Variants in KLRB1 observed in about 807,000 individuals in gnomAD.
The protein encoded by KLRB1 is killer cell lectin like receptor B1.
A neutral mutation model predicts 33.5 loss-of-function variants in KLRB1; 27 were observed. That is an observed-to-expected ratio of 0.81 (90% CI 0.59 to 1.11). The LOEUF (loss-of-function observed/expected upper bound fraction) is 1.11, where lower values mean the gene tolerates loss of function less well. Among genes scored for constraint, KLRB1 ranks in the 50% most tolerant of loss-of-function variants. The probability of loss-of-function intolerance (pLI) is 0.00; values close to 1 mark genes in which losing one functional copy is unlikely to be tolerated. For synonymous variants in KLRB1, 64 were observed against 88.9 expected (o/e 0.72, Z 1.58); for missense variants, 241 against 254.1 (o/e 0.95, Z 0.35).
At chr12:9,607,336 C>CT (rs1565444538) in intron 1 of KLRB1, among the ~76,000 whole-genome samples, 3 of 24,546 alleles carry the variant, frequency 1.2e-4, no homozygotes, top group African/African-American at 2.5e-4. Context: ...TCTTTCTTTC[C>CT]TTTCTTTCTT....
chr12:9,596,836 A>G (rs1864496509), intron 5 of KLRB1, among the ~76,000 whole-genome samples: 1 of 152,204 alleles, frequency 6.6e-6, no homozygotes, highest in Non-Finnish European at 1.5e-5. Flanking sequence ...GTGTGGAAAG[A>G]TAAAAATAAA....
chr12:9,601,621 CACAA>C lies in KLRB1; in HGVS notation c.86-26_86-23del, dbSNP rs763393412. Reference sequence around the variant, plus strand: ...ACATCTGAAAAGTTAAAAAGAAAAACACAAAAACAAACAAACAAACGAAACAAAA... The same window carrying C: ...ACATCTGAAAAGTTAAAAAGAAAAACAAACAAACAAACAAACGAAACAAAA... On this transcript the variant is annotated intron_variant, in intron 1 of 5. Transcript: ENST00000229402. 5.2e-6 allele frequency: 7 copies of C among 1,350,024 alleles called. 1 individual carries two copies. The highest frequency in any genetic ancestry group is 2.5e-5 in the South Asian group (2 of 81,600). 83.6% of individuals were successfully genotyped at this position (1,350,024 alleles called of 1,614,324 possible). A position where few individuals can be genotyped will look rare whatever the true frequency, so the allele number is the denominator to read the frequency against.
rs764931644 is a variant in KLRB1, at chr12:9,601,636, A to ACAAG, written c.86-38_86-37insCTTG. ...AAAAGAAAAACACAAAAACAAACAA[A>ACAAG]CAAACGAAACAAAAAACCTTGGTTA... On this transcript the variant is annotated intron_variant, in intron 1 of 5. Coordinates refer to ENST00000229402, the MANE Select transcript of KLRB1 (RefSeq NM_002258.3). 23 of 1,458,376 alleles carry ACAAG rather than the reference A, an allele frequency of 1.6e-5. No individual in the cohort carries two copies. In the African/African-American group the frequency reaches 3.2e-4, roughly 20 times the overall value. 90.3% of individuals were successfully genotyped at this position (1,458,376 alleles called of 1,614,324 possible).
At chr12:9,595,561 A>G (rs919408046) in intron 5 of KLRB1, 140 bp from the exon 6 acceptor site, 8 of 747,864 alleles carry the variant, frequency 1.1e-5, no homozygotes, top group Non-Finnish European at 1.8e-5. Flanking sequence ...TCACAAATAT[A>G]ATGGTATGAA....
At chr12:9,602,872 A>C (rs1361872233) in intron 1 of KLRB1, among the ~76,000 whole-genome samples, 1 of 152,126 alleles carries the variant, frequency 6.6e-6, no homozygotes, top group East Asian at 1.9e-4. Context: ...TTCTACTTTT[A>C]ATGGTACAGT....
intron 3 of KLRB1, among the ~76,000 whole-genome samples, 195 bp downstream of exon 3, chr12:9,599,572 C>T (rs950439274): frequency 5.3e-5 from 8 of 152,312 alleles, no homozygotes; most frequent in East Asian, 1.9e-4. Context: ...CATATAATTC[C>T]CAGCCTCATC....
chr12:9,595,556 A>G (rs2120704355), intron 5 of KLRB1, 135 bp from the exon 6 acceptor site: 1 of 768,802 alleles, frequency 1.3e-6, no homozygotes, highest in East Asian at 2.6e-5. Flanking sequence ...CACGGTCACA[A>G]ATATAATGGT....
chr12:9,606,408 A>G (rs1194336154), intron 1 of KLRB1: 1 of 152,010 alleles, frequency 6.6e-6, no homozygotes, highest in Non-Finnish European at 1.5e-5. Context: ...TCTTTCACTC[A>G]GAATGCTAAC....
intron 1 of KLRB1, among the ~76,000 whole-genome samples, chr12:9,601,841 A>C (rs1031873796): frequency 2.0e-5 from 3 of 152,226 alleles, no homozygotes; most frequent in African/African-American, 4.8e-5. Context: ...ACGCTTATGC[A>C]TGTGTGTATA....
At position 9,599,820 on chromosome 12, in the gene KLRB1, G is replaced by A. The variant is rs945443184; in HGVS notation, c.206C>T (p.Ser69Leu). The stretch of plus-strand genomic sequence containing the variant: ...GTCCACACTGCATTTTTCTATTGAT[G>A]ATTTCTGTATTAAGGATGTCACTAG... ...SVSVTSLIQKSSIEKCSVDIQ... is the reference protein window; with the variant it reads ...SVSVTSLIQKLSIEKCSVDIQ... The change falls in exon 3 of 6, where the codon TCA (serine) becomes TTA (leucine). Residue 69 changes from serine to leucine, a missense_variant. Transcript: ENST00000229402. 5 of 1,599,472 alleles carry A rather than the reference G, an allele frequency of 3.1e-6. No homozygotes were observed. The highest frequency in any genetic ancestry group is 3.3e-5 in the Admixed American group (2 of 59,952).
chr12:9,595,786 G>T (rs1470766404), intron 5 of KLRB1, among the ~76,000 whole-genome samples: 1 of 152,132 alleles, frequency 6.6e-6, no homozygotes, highest in African/African-American at 2.4e-5. Context: ...TTAGGCTATA[G>T]CCACCTAATA....
intron 5 of KLRB1, among the ~76,000 whole-genome samples, chr12:9,597,025 T>C (rs987363341): frequency 3.9e-5 from 6 of 152,184 alleles, no homozygotes; most frequent in African/African-American, 4.8e-5. Flanking sequence ...TCTTACACTT[T>C]ATAAAATATT....
At chr12:9,604,114 T>A (rs1241903074) in intron 1 of KLRB1, among the ~76,000 whole-genome samples, 2 of 152,090 alleles carry the variant, frequency 1.3e-5, no homozygotes, top group Non-Finnish European at 2.9e-5. Context: ...TGGAGTGTAC[T>A]GTGTCTGGGA....
rs1565444673 is a variant in KLRB1 at position 9,607,378 on chromosome 12, T to TCTC, written c.85+376_85+377insGAG. On this transcript the variant is annotated intron_variant, in intron 1 of 5. Coordinates refer to ENST00000229402, the MANE Select transcript of KLRB1 (RefSeq NM_002258.3). Reference sequence around the variant, plus strand: ...TTCCTTTCTTTCTTTCTTTCTTTCTTTCTTTCTTTCTTTCTTTCTTTCTTT... The same window carrying TCTC: ...TTCCTTTCTTTCTTTCTTTCTTTCTTCTCTCTTTCTTTCTTTCTTTCTTTCTTT... 4.0e-3 allele frequency among the ~76,000 whole-genome samples: 368 copies of TCTC among 93,036 alleles called. 6 individuals carry two copies. The highest frequency in any genetic ancestry group is 0.012 in the African/African-American group (349 of 28,792). 61.0% of individuals were successfully genotyped at this position (93,036 alleles called of 152,430 possible). A position where few individuals can be genotyped will look rare whatever the true frequency, so the allele number is the denominator to read the frequency against.
Position 9,601,498 on chromosome 12 carries a change from T to C in KLRB1, c.184+3A>G, listed in dbSNP as rs190289840. The C allele has an allele frequency of 6.2e-7, 1 of 1,600,688 alleles. No individual in the cohort carries two copies. Among genetic ancestry groups the C allele is most frequent in the East Asian group, 2.2e-5 (1 of 44,812 alleles). On this transcript the variant is annotated splice_donor_region_variant and intron_variant, in intron 2 of 5. Coordinates refer to ENST00000229402, the MANE Select transcript of KLRB1 (RefSeq NM_002258.3). ...ATGAAACAGATGATGGTGCCCCACT[T>C]ACCTGAAACACTCAACCCAGTAACA...
chr12:9,596,842 ATAAAT>A (rs1430226741), intron 5 of KLRB1, among the ~76,000 whole-genome samples: 4 of 152,184 alleles, frequency 2.6e-5, no homozygotes, highest in African/African-American at 9.6e-5. Flanking sequence ...AAAGATAAAA[ATAAAT>A]TAATAGCAAA....
At chr12:9,607,719 C>T (rs2120731833) in intron 1 of KLRB1, 36 bp downstream of exon 1, 2 of 1,307,294 alleles carry the variant, frequency 1.5e-6, no homozygotes, top group South Asian at 1.2e-5. Flanking sequence ...TTCTGGAAGA[C>T]ATACAAATGC....
chr12:9,607,409 C>CTTTCTTTCTTTCTTTCTTTCTTTCT (rs1864632708), intron 1 of KLRB1, among the ~76,000 whole-genome samples: 1 of 88,110 alleles, frequency 1.1e-5, no homozygotes, highest in Non-Finnish European at 2.4e-5. Context: ...TCTTTCTTTT[C>CTTTCTTTCTTTCTTTCTTTCTTTCT]TTTCTTTCTT....
chr12:9,607,309 CTTTCT>C (rs1864618748), intron 1 of KLRB1, among the ~76,000 whole-genome samples: 1 of 117,482 alleles, frequency 8.5e-6, no homozygotes, highest in Non-Finnish European at 1.8e-5. Context: ...TCCTTTCTTT[CTTTCT>C]TCTTTTCTTT....
Sources: gnomAD v4.1 joint callset for allele counts (sites outside exome capture counted in the v4.1 genomes callset) on GRCh38, gnomAD v4.1.1 for gene constraint, MANE v1.5 for transcripts, NCBI Gene and HGNC (gene_info 2026-07-23, HGNC 2026-07-21) for gene names.